Variants in GNAS observed in about 807,000 individuals in gnomAD.
The protein encoded by GNAS is protein ALEX.
GNAS carries 8 observed loss-of-function variants against 54.5 expected under a neutral mutation model. That is an observed-to-expected ratio of 0.15 (90% CI 0.09 to 0.26). The LOEUF is 0.26. Ranked by LOEUF, GNAS falls within the 10% of genes least tolerant of loss-of-function variation. The pLI is 1.00. For synonymous variants in GNAS, 204 were observed against 191.4 expected (o/e 1.07, Z -0.54); for missense variants, 170 against 529.8 (o/e 0.32, Z 6.67).
intron 1 of GNAS, chr20:58,854,053 C>A: frequency 1.2e-6 from 2 of 1,610,676 alleles, no homozygotes; most frequent in Non-Finnish European, 1.7e-6. Context: ...GCCTCGAGTG[C>A]GGTCCGCCTC....
intron 3 of GNAS, chr20:58,899,860 A>G: frequency 2.8e-6 from 2 of 707,996 alleles, no homozygotes; most frequent in Non-Finnish European, 5.3e-6. Context: ...TCAAAGAAAC[A>G]GCTTCTGTGG....
intron 1 of GNAS, among the ~76,000 whole-genome samples, chr20:58,883,806 G>A (rs1044797378): frequency 1.4e-4 from 22 of 152,154 alleles, no homozygotes; most frequent in African/African-American, 4.8e-4. Context: ...GAGCCTGTAC[G>A]AAAAGAGGGG....
chr20:58,904,642 G>A (rs893480578), intron 5 of GNAS, among the ~76,000 whole-genome samples: 12 of 152,294 alleles, frequency 7.9e-5, no homozygotes, highest in African/African-American at 2.4e-4. Context: ...CTTTTGTCAG[G>A]CTTTCGTGGG....
chr20:58,891,730 G>T lies in GNAS; in HGVS notation c.4G>T (p.Gly2Cys). 1 of 1,162,434 alleles carries T rather than the reference G, an allele frequency of 8.6e-7. No individual in the cohort carries two copies. Among genetic ancestry groups the T allele is most frequent in the Non-Finnish European group, 1.1e-6 (1 of 912,086 alleles). 72.0% of individuals were successfully genotyped at this position (1,162,434 alleles called of 1,614,324 possible). Residue 2 changes from glycine (G) to cysteine (C), a missense_variant, in exon 1 of 13, where the codon GGC becomes TGC. Transcript: ENST00000371085. M[G>C]CLGNSKTEDQ... ...CCCCGCCGCCGCCGCCGCCGCCATG[G>T]GCTGCCTCGGGAACAGTAAGACCGA...
chr20:58,882,394 C>T (rs975970154), intron 1 of GNAS, among the ~76,000 whole-genome samples: 3 of 152,358 alleles, frequency 2.0e-5, no homozygotes, highest in African/African-American at 7.2e-5. Flanking sequence ...CCATTCTCCC[C>T]TAAGGCTGAC....
intron 1 of GNAS, among the ~76,000 whole-genome samples, chr20:58,844,966 T>C (rs904230329): frequency 6.6e-6 from 1 of 152,222 alleles, no homozygotes; most frequent in African/African-American, 2.4e-5. Flanking sequence ...AATGCAGAAT[T>C]CCACTGTGTC....
chr20:58,843,190 T>C (rs2085806747), intron 1 of GNAS: 3 of 138,334 alleles, frequency 2.2e-5, no homozygotes, highest in African/African-American at 5.6e-5. Context: ...CCCGCTCAAT[T>C]CCCCTCCCCC....
intron 1 of GNAS, among the ~76,000 whole-genome samples, chr20:58,848,118 A>G (rs1345226229): frequency 6.6e-6 from 1 of 152,264 alleles, no homozygotes; most frequent in African/African-American, 2.4e-5. Flanking sequence ...CTTTCCTCAG[A>G]CATGCAGAGT....
In GNAS at chr20:58,909,289, T is replaced by C; in HGVS notation, c.586-61T>C. 1 of 1,586,226 alleles carries C rather than the reference T, an allele frequency of 6.3e-7. No homozygotes were observed. Among genetic ancestry groups the C allele is most frequent in the Non-Finnish European group, 8.7e-7 (1 of 1,154,496 alleles). On this transcript the variant is annotated intron_variant, in intron 7 of 12. Coordinates refer to ENST00000371085, the MANE Select transcript of GNAS (RefSeq NM_000516.7). The surrounding 1 kb of genome is among the most constrained non-coding windows in gnomAD (Gnocchi z 7.3). ...ACTACTCCAGACCTTTGCTTTAGAT[T>C]GGCAATTATTACTGTTTCGGTTGGC...
In GNAS at chr20:58,853,872, C is replaced by G. The variant is rs912777864; in HGVS notation, c.43+12986C>G. ...CCCCGGAGCTCCTCCCGAGGAGCCCCAAGCCCTCAGGCCTGCAAAGGCTGG... is the reference window on the plus strand; with the variant it reads ...CCCCGGAGCTCCTCCCGAGGAGCCCGAAGCCCTCAGGCCTGCAAAGGCTGG... On this transcript the variant is annotated intron_variant, in intron 1 of 12. Coordinates refer to the GNAS transcript ENST00000306090. The surrounding 1 kb of genome is among the most constrained non-coding windows in gnomAD (Gnocchi z 4.4). 1.3e-6 allele frequency: 2 copies of G among 1,596,110 alleles called. No homozygotes were observed. Among genetic ancestry groups the G allele is most frequent in the Admixed American group, 3.5e-5 (2 of 56,790 alleles).
chr20:58,891,587 C>G lies in GNAS; in HGVS notation c.-140C>G. ...CCGCGGCCCGCGGCCCGCAGTCCGC[C>G]CCGCGCGCTCCTTGCCGAGGAGCCG... On this transcript the variant is annotated 5_prime_UTR_variant, in exon 1 of 13. Transcript: ENST00000371085. 3.1e-6 allele frequency: 3 copies of G among 972,168 alleles called. No individual in the cohort carries two copies. Among genetic ancestry groups the G allele is most frequent in the Non-Finnish European group, 2.4e-6 (2 of 822,272 alleles). The allele number at this position is 972,168 out of a possible 1,614,324, so 60.2% of individuals were successfully genotyped here. A position where few individuals can be genotyped will look rare whatever the true frequency, so the allele number is the denominator to read the frequency against.
chr20:58,882,715 G>A (rs2088321840), intron 1 of GNAS, among the ~76,000 whole-genome samples: 1 of 152,168 alleles, frequency 6.6e-6, no homozygotes, highest in Admixed American at 6.5e-5. Context: ...ATGGTGGTGG[G>A]GTGGAGGTGG....
At chr20:58,882,657 A>G (rs575711856) in intron 1 of GNAS, among the ~76,000 whole-genome samples, 2 of 152,186 alleles carry the variant, frequency 1.3e-5, no homozygotes, top group Non-Finnish European at 1.5e-5. Context: ...AAAAAAAGTA[A>G]ATCATTCCAA....
At chr20:58,899,669 ACACATG>A (rs1373364432) in intron 3 of GNAS, among the ~76,000 whole-genome samples, 7 of 151,632 alleles carry the variant, frequency 4.6e-5, no homozygotes, top group South Asian at 2.1e-4. Context: ...ACACACGCAC[ACACATG>A]CACATGCATA....
chr20:58,882,359 T>C (rs1600878915), intron 1 of GNAS, among the ~76,000 whole-genome samples: 2 of 152,366 alleles, frequency 1.3e-5, no homozygotes, highest in African/African-American at 4.8e-5. Context: ...CATTTTTTTG[T>C]TTTTATTATC....
chr20:58,895,559 C>T, intron 1 of GNAS, 53 bp from the exon 2 acceptor site: 1 of 1,085,414 alleles, frequency 9.2e-7, no homozygotes, highest in Non-Finnish European at 1.4e-6. Flanking sequence ...ACCTCCCTGC[C>T]CAAAGTGTTA....
chr20:58,887,538 T>G (rs961778469), upstream of GNAS, among the ~76,000 whole-genome samples: 1 of 152,220 alleles, frequency 6.6e-6, no homozygotes, highest in Non-Finnish European at 1.5e-5. Flanking sequence ...ATGAGCACAT[T>G]CAGGTGTATC....
intron 1 of GNAS, among the ~76,000 whole-genome samples, chr20:58,878,616 C>A (rs958205331): frequency 6.6e-6 from 1 of 152,172 alleles, no homozygotes; most frequent in Admixed American, 6.5e-5. Flanking sequence ...TCAGAGCCAA[C>A]TGGAAATACA....
chr20:58,872,864 A>G lies in GNAS; in HGVS notation c.44-22748A>G, dbSNP rs192403024. 3.0e-3 allele frequency among the ~76,000 whole-genome samples: 450 copies of G among 152,308 alleles called. 6 individuals carry two copies. The highest frequency in any genetic ancestry group is 3.9e-3 in the South Asian group (19 of 4,824). ...GCTGCCTTTCTATGTCCTGGGCTTC[A>G]TTCATCAGCTCAAGAGAAAAAAAAT... On this transcript the variant is annotated intron_variant, in intron 1 of 12. Coordinates refer to the GNAS transcript ENST00000306090.
Sources: allele counts gnomAD v4.1 joint callset (sites outside exome capture counted in the v4.1 genomes callset), GRCh38; gene constraint gnomAD v4.1.1; non-coding constraint Gnocchi (gnomAD v3.1); transcripts MANE v1.5; gene names NCBI Gene and HGNC (gene_info 2026-07-23, HGNC 2026-07-21).